The following EPCIP variants were observed in gnomAD, a reference collection of about 807,000 sequenced individuals.
EPCIP encodes the protein exosomal polycystin 1 interacting protein.
chr21:32,803,508 G>T, the EPCIP span, among the ~76,000 whole-genome samples: 1 of 152,182 alleles, frequency 6.6e-6, no homozygotes, highest in Middle Eastern at 3.2e-3. Context: ...GCCCACACAG[G>T]CAGTGTGAGG....
chr21:32,797,925 C>T, the EPCIP span: 2 of 152,126 alleles, frequency 1.3e-5, no homozygotes, highest in African/African-American at 2.4e-5. Flanking sequence ...GGCTTTGTTC[C>T]CAGATAAGAT....
chr21:32,794,173 C>A, the EPCIP span: 1 of 1,614,130 alleles, frequency 6.2e-7, no homozygotes, highest in African/African-American at 1.3e-5. Flanking sequence ...TGTCCGTGAA[C>A]CAGATGGTCA....
the EPCIP span, among the ~76,000 whole-genome samples, chr21:32,804,177 G>C: frequency 1.8e-4 from 28 of 151,810 alleles, 1 homozygote; most frequent in Admixed American, 1.7e-3. Context: ...TATATAGTTG[G>C]ATCAGTCGGA....
the EPCIP span, among the ~76,000 whole-genome samples, chr21:32,809,288 C>CTTTCTTTCTTTCTTTCTTTCTT: frequency 1.7e-5 from 2 of 116,656 alleles, no homozygotes; most frequent in African/African-American, 6.5e-5. Flanking sequence ...TCCTTTCTTT[C>CTTTCTTTCTTTCTTTCTTTCTT]TTTCTTTCTT....
At chr21:32,809,150 C>T in the EPCIP span, among the ~76,000 whole-genome samples, 31,118 of 147,880 alleles carry the variant, frequency 0.21, 3,465 homozygotes, top group East Asian at 0.34. Flanking sequence ...AGAGGCATCA[C>T]GGCATGTTGT....
chr21:32,801,842 CAA>C, the EPCIP span, among the ~76,000 whole-genome samples: 19 of 150,260 alleles, frequency 1.3e-4, no homozygotes, highest in African/African-American at 4.4e-4. Flanking sequence ...AAACTCATCT[CAA>C]AAGAGAAAAA....
the EPCIP span, among the ~76,000 whole-genome samples, chr21:32,803,861 C>T: frequency 5.9e-5 from 9 of 152,098 alleles, no homozygotes; most frequent in Admixed American, 6.6e-5. Context: ...CTGAAGTCAC[C>T]GTTCTGTGCA....
chr21:32,812,580 GAA>G, the EPCIP span, among the ~76,000 whole-genome samples: 1 of 151,866 alleles, frequency 6.6e-6, no homozygotes, highest in Non-Finnish European at 1.5e-5. Flanking sequence ...AAAAAGTAAT[GAA>G]AAGTCTTTTT....
At chr21:32,794,600 CTG>C in the EPCIP span, 3 of 648,332 alleles carry the variant, frequency 4.6e-6, no homozygotes, top group South Asian at 4.1e-5. Context: ...GTTCTAGTAA[CTG>C]TTTCCTGAGC....
chr21:32,799,571 T>C, the EPCIP span, among the ~76,000 whole-genome samples: 1 of 152,222 alleles, frequency 6.6e-6, no homozygotes, highest in Non-Finnish European at 1.5e-5. Flanking sequence ...CCAGGGCATC[T>C]TCTCAGCTTC....
At chr21:32,801,595 C>T in the EPCIP span, among the ~76,000 whole-genome samples, 1 of 152,254 alleles carries the variant, frequency 6.6e-6, no homozygotes, top group South Asian at 2.1e-4. Context: ...AATTCCAGCA[C>T]TTTGGGAAGC....
the EPCIP span, among the ~76,000 whole-genome samples, chr21:32,796,473 C>CAG: frequency 1.6e-4 from 24 of 151,544 alleles, no homozygotes; most frequent in South Asian, 4.1e-4. Context: ...GAGAACATAG[C>CAG]AGAGAGAGAG....
chr21:32,794,311 T>C, the EPCIP span: 1 of 1,614,244 alleles, frequency 6.2e-7, no homozygotes, highest in Non-Finnish European at 8.5e-7. Context: ...GAATGGTGTT[T>C]TCCCTTGTGA....
the EPCIP span, among the ~76,000 whole-genome samples, chr21:32,809,279 C>CTTTCTCT: frequency 1.3e-5 from 1 of 79,968 alleles, no homozygotes; most frequent in African/African-American, 4.6e-5. Context: ...CTCCCTCCTT[C>CTTTCTCT]CTTTCTTTCT....
At chr21:32,808,406 C>T in the EPCIP span, among the ~76,000 whole-genome samples, 29 of 152,306 alleles carry the variant, frequency 1.9e-4, 1 homozygote, top group African/African-American at 6.0e-4. Context: ...CTTATATTCC[C>T]GTAAAGTACC....
the EPCIP span, chr21:32,794,187 G>A: frequency 1.9e-6 from 3 of 1,614,248 alleles, no homozygotes; most frequent in Non-Finnish European, 8.5e-7. Flanking sequence ...ATGGTCAGAT[G>A]GCCATTGTAG....
chr21:32,802,240 T>A, the EPCIP span, among the ~76,000 whole-genome samples: 2 of 152,238 alleles, frequency 1.3e-5, no homozygotes. Context: ...CATATTACCA[T>A]GCTTACATAT....
the EPCIP span, chr21:32,797,790 A>G: frequency 6.6e-6 from 1 of 152,214 alleles, no homozygotes; most frequent in Non-Finnish European, 1.5e-5. Context: ...TAAAAAAATA[A>G]ACAAAATAAA....
At chr21:32,804,849 A>G in the EPCIP span, among the ~76,000 whole-genome samples, 7 of 152,310 alleles carry the variant, frequency 4.6e-5, no homozygotes, top group African/African-American at 1.7e-4. Flanking sequence ...TACTAACTTA[A>G]ATGTGAATGA....
Sources: allele counts gnomAD v4.1 joint callset (sites outside exome capture counted in the v4.1 genomes callset), GRCh38; gene constraint gnomAD v4.1.1; transcripts MANE v1.5; gene names NCBI Gene and HGNC (gene_info 2026-07-23, HGNC 2026-07-21).